PPM1E: variants seen among roughly 807,000 people sequenced by gnomAD.
The protein encoded by PPM1E is protein phosphatase 1E.
A neutral mutation model predicts 65.9 loss-of-function variants in PPM1E; 20 were observed. The ratio of observed to expected loss-of-function variants is 0.30; its 90% confidence interval spans 0.21 to 0.44. PPM1E has a LOEUF of 0.44. Among genes scored for constraint, PPM1E ranks in the 20% least tolerant of loss-of-function variants. PPM1E has a pLI of 1.00. For missense variants in PPM1E, 713 were observed against 953.1 expected (o/e 0.75, Z 3.32); for synonymous variants, 352 against 374.9 (o/e 0.94, Z 0.70).
At chr17:58,774,858 CT>C (rs35302248) in intron 1 of PPM1E, among the ~76,000 whole-genome samples, 44,343 of 145,812 alleles carry the variant, frequency 0.3, 6,820 homozygotes, top group Middle Eastern at 0.49. Flanking sequence ...CTGGGTAGTT[CT>C]TTTTTTTTTT....
chr17:58,894,031 C>T (rs1567866951), intron 1 of PPM1E, among the ~76,000 whole-genome samples: 1 of 152,060 alleles, frequency 6.6e-6, no homozygotes, highest in African/African-American at 2.4e-5. Flanking sequence ...CATGATCACA[C>T]CACTGCACTC....
chr17:58,827,096 G>C (rs2050544632), intron 1 of PPM1E, among the ~76,000 whole-genome samples: 1 of 150,534 alleles, frequency 6.6e-6, no homozygotes, highest in African/African-American at 2.4e-5. Flanking sequence ...TGAGTCAGTG[G>C]AATATATAAA....
At chr17:58,843,056 G>A (rs1598605682) in intron 1 of PPM1E, among the ~76,000 whole-genome samples, 1 of 152,104 alleles carries the variant, frequency 6.6e-6, no homozygotes, top group African/African-American at 2.4e-5. Flanking sequence ...GGATACCGAG[G>A]CAGGCAGATC....
At chr17:58,810,362 A>G (rs2050355089) in intron 1 of PPM1E, among the ~76,000 whole-genome samples, 1 of 151,944 alleles carries the variant, frequency 6.6e-6, no homozygotes, top group Non-Finnish European at 1.5e-5. Context: ...ACGCGCCACC[A>G]TGCCCAGCTA....
At chr17:58,794,905 TTGAGGCAGAGTC>T (rs1463331734) in intron 1 of PPM1E, among the ~76,000 whole-genome samples, 4 of 151,010 alleles carry the variant, frequency 2.6e-5, no homozygotes, top group African/African-American at 9.8e-5. Context: ...TTTTTTTTTT[TTGAGGCAGAGTC>T]TTGCTCTGTC....
chr17:58,805,510 A>G (rs1338824155), intron 1 of PPM1E, among the ~76,000 whole-genome samples: 1 of 152,154 alleles, frequency 6.6e-6, no homozygotes, highest in African/African-American at 2.4e-5. Flanking sequence ...TTGGCCTCCC[A>G]AAGTGCTGGG....
intron 1 of PPM1E, among the ~76,000 whole-genome samples, chr17:58,947,025 A>C (rs894534013): frequency 6.6e-6 from 1 of 151,156 alleles, no homozygotes. Flanking sequence ...AAGGGGTCCA[A>C]CTTGATTATT....
Position 58,934,830 on chromosome 17 carries a change from G to A in PPM1E, c.465-20819G>A, listed in dbSNP as rs12603145. ...TAATCCCAGCTACTCAGGAGGCTGA[G>A]GCAGGAGAATCGCTTGAACCCAGGA... On this transcript the variant is annotated intron_variant, in intron 1 of 6. Coordinates refer to ENST00000308249, the MANE Select transcript of PPM1E (RefSeq NM_014906.5). Among the ~76,000 whole-genome samples the A allele has an allele frequency of 8.1e-3, 1,226 of 152,134 alleles. 48 individuals are homozygous for A. Among genetic ancestry groups the A allele is most frequent in the Admixed American group, 0.063 (965 of 15,278 alleles).
intron 2 of PPM1E, among the ~76,000 whole-genome samples, chr17:58,961,067 A>G (rs1033219243): frequency 5.3e-5 from 8 of 152,146 alleles, no homozygotes; most frequent in Admixed American, 6.5e-5. Context: ...AAATAAACAT[A>G]AAACTACCCA....
At chr17:58,947,302 T>C (rs1457118734) in intron 1 of PPM1E, among the ~76,000 whole-genome samples, 3 of 145,294 alleles carry the variant, frequency 2.1e-5, no homozygotes, top group Non-Finnish European at 4.5e-5. Context: ...AGTGACGTGA[T>C]CTCAGCTCAC....
At position 58,982,633 on chromosome 17, in the gene PPM1E, T is replaced by G; in HGVS notation, c.*1602T>G. 2.4e-6 allele frequency: 1 copy of G among 422,832 alleles called. No individual in the cohort carries two copies. Among genetic ancestry groups the G allele is most frequent in the East Asian group, 4.0e-5 (1 of 25,278 alleles). 26.2% of individuals were successfully genotyped at this position (422,832 alleles called of 1,614,324 possible). A position where few individuals can be genotyped will look rare whatever the true frequency, so the allele number is the denominator to read the frequency against. ...GCTATATCAAATAGACAAAAACAGC[T>G]TCACTTTAGCAATGATCAGATTGTT... On this transcript the variant is annotated 3_prime_UTR_variant, in exon 7 of 7. Transcript: ENST00000308249.
chr17:58,788,695 G>A (rs192745352), intron 1 of PPM1E, among the ~76,000 whole-genome samples: 18 of 152,272 alleles, frequency 1.2e-4, no homozygotes, highest in Non-Finnish European at 2.2e-4. Flanking sequence ...GGATATAATA[G>A]CAATGAACGT....
At chr17:58,768,347 T>C (rs2049903319) in intron 1 of PPM1E, among the ~76,000 whole-genome samples, 1 of 152,182 alleles carries the variant, frequency 6.6e-6, no homozygotes, top group Non-Finnish European at 1.5e-5. Context: ...CCCAAAGTGC[T>C]AGGATTGTAG....
At chr17:58,837,623 G>A (rs1056211271) in intron 1 of PPM1E, among the ~76,000 whole-genome samples, 3 of 151,236 alleles carry the variant, frequency 2.0e-5, no homozygotes, top group Non-Finnish European at 4.4e-5. Flanking sequence ...TCAGCCTCCT[G>A]AGTAGCTGGG....
At chr17:58,937,879 C>CAAAAAAAAAAAAAAA (rs1226139023) in intron 1 of PPM1E, among the ~76,000 whole-genome samples, 1 of 82,962 alleles carries the variant, frequency 1.2e-5, no homozygotes, top group African/African-American at 5.0e-5. Flanking sequence ...GACTCCATCT[C>CAAAAAAAAAAAAAAA]AAAAAAAAAA....
At chr17:58,865,952 AAGATTGCC>A (rs1009011155) in intron 1 of PPM1E, among the ~76,000 whole-genome samples, 118 of 152,310 alleles carry the variant, frequency 7.7e-4, no homozygotes, top group African/African-American at 2.6e-3. Flanking sequence ...CAGACAAGAC[AAGATTGCC>A]AGGTAGTTTT....
chr17:58,934,087 C>CAAA (rs11316368), intron 1 of PPM1E, among the ~76,000 whole-genome samples: 85 of 79,976 alleles, frequency 1.1e-3, no homozygotes, highest in Non-Finnish European at 1.2e-3. Flanking sequence ...GACTTCGTAT[C>CAAA]AAAAAAAAAA....
At chr17:58,913,092 T>C (rs1284827498) in intron 1 of PPM1E, among the ~76,000 whole-genome samples, 8 of 152,218 alleles carry the variant, frequency 5.3e-5, no homozygotes, top group Non-Finnish European at 1.0e-4. Context: ...TTCTGTAAGC[T>C]ACTCTAGCAA....
chr17:58,874,217 T>C (rs2051104689), intron 1 of PPM1E, among the ~76,000 whole-genome samples: 1 of 152,020 alleles, frequency 6.6e-6, no homozygotes, highest in Non-Finnish European at 1.5e-5. Flanking sequence ...CATGCAGGGG[T>C]TGGGGCACAA....
Sources: gnomAD v4.1 joint callset for allele counts (sites outside exome capture counted in the v4.1 genomes callset) on GRCh38, gnomAD v4.1.1 for gene constraint, MANE v1.5 for transcripts, NCBI Gene and HGNC (gene_info 2026-07-23, HGNC 2026-07-21) for gene names.